Variants in PRKD1 observed in about 807,000 individuals in gnomAD.
PRKD1 encodes serine/threonine-protein kinase D1.
PRKD1 carries 63 observed loss-of-function variants against 95.9 expected under a neutral mutation model. The observed-to-expected ratio is 0.66, with a 90% CI of 0.54 to 0.81. PRKD1 has a LOEUF of 0.81. PRKD1 is among the 30% of genes least tolerant of loss of function. The pLI, the probability that PRKD1 is intolerant of heterozygous loss-of-function variation, is 0.00. For missense variants in PRKD1, 1,048 were observed against 1,165.3 expected, an observed-to-expected ratio of 0.90 and a Z score of 1.47; for synonymous variants, 425 against 423.1, an observed-to-expected ratio of 1.00 and a Z score of -0.05.
intron 1 of PRKD1, among the ~76,000 whole-genome samples, chr14:29,919,859 G>T (rs118180611): frequency 9.8e-4 from 149 of 152,054 alleles, no homozygotes; most frequent in African/African-American, 3.5e-3. Context: ...TCAGCTACTC[G>T]GGAGGCTGAG....
At chr14:29,592,054 A>T (rs1594344376) in intron 16 of PRKD1, among the ~76,000 whole-genome samples, 1 of 152,296 alleles carries the variant, frequency 6.6e-6, no homozygotes, top group East Asian at 1.9e-4. Context: ...AAATAGGTAC[A>T]CAAGTTCTTT....
At chr14:29,880,742 C>T (rs1189869057) in intron 1 of PRKD1, among the ~76,000 whole-genome samples, 2 of 151,918 alleles carry the variant, frequency 1.3e-5, no homozygotes, top group Non-Finnish European at 2.9e-5. Context: ...GGCGGAGCTA[C>T]ACAAGACCAT....
At chr14:29,923,550 G>A (rs1332621799) in intron 1 of PRKD1, among the ~76,000 whole-genome samples, 2 of 152,066 alleles carry the variant, frequency 1.3e-5, no homozygotes, top group Non-Finnish European at 2.9e-5. Context: ...TACAAGCAAA[G>A]TAATGCTACT....
At chr14:29,749,180 C>T (rs1887365219) in intron 1 of PRKD1, among the ~76,000 whole-genome samples, 1 of 152,174 alleles carries the variant, frequency 6.6e-6, no homozygotes, top group African/African-American at 2.4e-5. Flanking sequence ...AACAGGACTT[C>T]ATTCTGCTGT....
At chr14:29,783,388 C>A (rs576470283) in intron 1 of PRKD1, among the ~76,000 whole-genome samples, 2 of 152,124 alleles carry the variant, frequency 1.3e-5, no homozygotes, top group Non-Finnish European at 2.9e-5. Flanking sequence ...TTTCTTTATC[C>A]GTTCATCCGT....
intron 4 of PRKD1, among the ~76,000 whole-genome samples, chr14:29,657,035 T>C (rs976476985): frequency 3.3e-5 from 5 of 152,168 alleles, no homozygotes; most frequent in Non-Finnish European, 7.4e-5. Context: ...GAAAGTCCAA[T>C]AGCGGGTTAG....
intron 1 of PRKD1, among the ~76,000 whole-genome samples, chr14:29,922,604 C>A (rs1448344266): frequency 6.6e-6 from 1 of 152,072 alleles, no homozygotes; most frequent in African/African-American, 2.4e-5. Flanking sequence ...AAAGTACAGG[C>A]AGGGCACAGT....
chr14:29,597,635 G>C lies in PRKD1; in HGVS notation c.2290C>G (p.Leu764Val). 6.2e-7 allele frequency: 1 copy of C among 1,614,058 alleles called. No individual in the cohort carries two copies. The highest frequency in any genetic ancestry group is 8.5e-7 in the Non-Finnish European group (1 of 1,179,984). The change falls in exon 16 of 18, where the codon CTA (leucine) becomes GTA (valine). Residue 764 changes from leucine (L) to valine (V), a missense_variant. By Grantham distance (32) the Leu-to-Val change is conservative. Transcript: ENST00000331968. ...VLRNKGYNRS[L>V]DMWSVGVIIY... The stretch of plus-strand genomic sequence containing the variant: ...ATGACCCCAACAGACCACATGTCTA[G>C]AGAGCGATTGTAGCCCTTGTTCCTT...
chr14:29,875,126 C>A (rs1387862432), intron 1 of PRKD1, among the ~76,000 whole-genome samples: 1 of 152,028 alleles, frequency 6.6e-6, no homozygotes, highest in Non-Finnish European at 1.5e-5. Context: ...AAAGATTTTA[C>A]CCTGAGAGAT....
At chr14:29,663,596 C>G in intron 4 of PRKD1, 103 bp downstream of exon 4, 1 of 1,312,556 alleles carries the variant, frequency 7.6e-7, no homozygotes, top group Non-Finnish European at 1.1e-6. Context: ...AACACCCTGG[C>G]TGCATTCTCC....
chr14:29,887,426 A>G (rs914979902), intron 1 of PRKD1, among the ~76,000 whole-genome samples: 3 of 152,208 alleles, frequency 2.0e-5, no homozygotes, highest in Non-Finnish European at 4.4e-5. Context: ...GACCAATATT[A>G]CTTTCAAATA....
chr14:29,867,475 T>C (rs1892951460), intron 1 of PRKD1, among the ~76,000 whole-genome samples: 1 of 152,108 alleles, frequency 6.6e-6, no homozygotes, highest in Non-Finnish European at 1.5e-5. Flanking sequence ...CACAGAAAGG[T>C]GGCCAGTGTT....
chr14:29,838,057 CT>C (rs1468844415), intron 1 of PRKD1, among the ~76,000 whole-genome samples: 4 of 152,098 alleles, frequency 2.6e-5, no homozygotes, highest in Non-Finnish European at 5.9e-5. Context: ...AAAACTCCCC[CT>C]GTTTGCATTC....
Position 29,588,822 on chromosome 14 carries a change from GTGTGTGTGTGTT to G in PRKD1, c.2434+8657_2434+8668del, listed in dbSNP as rs1185609114. ...TGTGTGTGTGTGTGTGTGTGTGTGTGTGTGTGTGTGTTTGTGTCACCAAATGTCAAGGCTTCC... is the reference window on the plus strand; with the variant it reads ...TGTGTGTGTGTGTGTGTGTGTGTGTGTGTGTCACCAAATGTCAAGGCTTCC... On this transcript the variant is annotated intron_variant, in intron 16 of 17. Transcript: ENST00000331968. Among the ~76,000 whole-genome samples, 307 of 136,270 alleles carry G rather than the reference GTGTGTGTGTGTT, an allele frequency of 2.3e-3. 1 individual carries two copies. Among genetic ancestry groups the G allele is most frequent in the African/African-American group, 8.3e-3 (283 of 34,180 alleles). 89.4% of individuals were successfully genotyped at this position (136,270 alleles called of 152,430 possible). A position where few individuals can be genotyped will look rare whatever the true frequency, so the allele number is the denominator to read the frequency against.
At chr14:29,734,104 G>A (rs908755513) in intron 1 of PRKD1, among the ~76,000 whole-genome samples, 10 of 132,082 alleles carry the variant, frequency 7.6e-5, no homozygotes, top group South Asian at 2.5e-4. Context: ...GTGCAATGGC[G>A]CGATCTTGGC....
At chr14:29,702,097 G>T (rs1293423172) in intron 2 of PRKD1, among the ~76,000 whole-genome samples, 2 of 151,984 alleles carry the variant, frequency 1.3e-5, no homozygotes. Flanking sequence ...CGTCTCCTTT[G>T]CTCTTCTTGC....
rs114172841 is a variant in PRKD1, at chr14:29,920,711, G to A, written c.264+6538C>T. Among the ~76,000 whole-genome samples, 460 of 152,044 alleles carry A rather than the reference G, an allele frequency of 3.0e-3. 2 individuals are homozygous for A. Among genetic ancestry groups the A allele is most frequent in the African/African-American group, 0.01 (430 of 41,460 alleles). ...TGTGGTTTTCTAAAGGTTTTATAATGGGGCATGGACTTCCATGACAGATAA... is the reference window on the plus strand; with the variant it reads ...TGTGGTTTTCTAAAGGTTTTATAATAGGGCATGGACTTCCATGACAGATAA... On this transcript the variant is annotated intron_variant, in intron 1 of 17. Coordinates refer to ENST00000331968, the MANE Select transcript of PRKD1 (RefSeq NM_002742.3).
At chr14:29,826,861 A>G (rs1206568781) in intron 1 of PRKD1, among the ~76,000 whole-genome samples, 4 of 102,438 alleles carry the variant, frequency 3.9e-5, no homozygotes, top group South Asian at 6.1e-4. Flanking sequence ...ATATATATAT[A>G]TATATATATA....
At chr14:29,662,816 TG>T (rs1395946972) in intron 4 of PRKD1, among the ~76,000 whole-genome samples, 1 of 151,876 alleles carries the variant, frequency 6.6e-6, no homozygotes, top group African/African-American at 2.4e-5. Context: ...TCTCTCTAAT[TG>T]ATTTTTACAG....
Sources: gnomAD v4.1 joint callset for allele counts (sites outside exome capture counted in the v4.1 genomes callset) on GRCh38, gnomAD v4.1.1 for gene constraint, MANE v1.5 for transcripts, NCBI Gene and HGNC (gene_info 2026-07-23, HGNC 2026-07-21) for gene names.